The following MAGI1 variants were observed in gnomAD, a reference collection of about 807,000 sequenced individuals.
MAGI1 encodes the protein membrane-associated guanylate kinase, WW and PDZ domain-containing protein 1.
Under a neutral mutation model 139.9 loss-of-function variants are expected in MAGI1, and 58 were observed. The observed-to-expected ratio is 0.41, with a 90% CI of 0.34 to 0.52. The LOEUF (loss-of-function observed/expected upper bound fraction) is 0.52, where lower values mean the gene tolerates loss of function less well. Ranked by LOEUF, MAGI1 falls within the 20% of genes least tolerant of loss-of-function variation. MAGI1 has a pLI of 0.12. For synonymous variants in MAGI1, 812 were observed against 737.9 expected (o/e 1.10, Z -1.63); for missense variants, 1,874 against 1,901.6 (o/e 0.99, Z 0.27).
At chr3:65,427,815 A>G (rs1575707287) in intron 12 of MAGI1, among the ~76,000 whole-genome samples, 2 of 152,122 alleles carry the variant, frequency 1.3e-5, no homozygotes, top group South Asian at 4.1e-4. Context: ...TGATTCTTCT[A>G]TAAGTGCCAG....
At chr3:66,032,483 G>A (rs544204586) in intron 1 of MAGI1, among the ~76,000 whole-genome samples, 2 of 147,374 alleles carry the variant, frequency 1.4e-5, no homozygotes, top group South Asian at 2.3e-4. Context: ...GCCTCCCAAA[G>A]TGCTGGGATT....
Position 65,950,071 on chromosome 3 carries a change from AAAAAAAC to A in MAGI1, c.313+87918_313+87924del, listed in dbSNP as rs1560045589. Among the ~76,000 whole-genome samples the A allele has an allele frequency of 4.7e-4, 35 of 74,172 alleles. 2 individuals carry two copies. In the East Asian group the frequency reaches 6.1e-3, roughly 13 times the overall value. The allele number at this position is 74,172 out of a possible 152,430, so 48.7% of individuals were successfully genotyped here. ...AAAAAAAAAAAAACAAAAAAACAAA[AAAAAAAC>A]AAAAAAAAAAACAAACAAAAAAAAA... On this transcript the variant is annotated intron_variant, in intron 1 of 22. Transcript: ENST00000402939.
chr3:65,438,467 C>T (rs1213029150), intron 9 of MAGI1, among the ~76,000 whole-genome samples: 1 of 152,192 alleles, frequency 6.6e-6, no homozygotes, highest in Non-Finnish European at 1.5e-5. Flanking sequence ...CACACTTCAC[C>T]ACCACTTAAT....
At chr3:65,406,667 C>G (rs967539528) in intron 12 of MAGI1, among the ~76,000 whole-genome samples, 2 of 145,662 alleles carry the variant, frequency 1.4e-5, no homozygotes, top group African/African-American at 4.9e-5. Context: ...TACAGTTTCG[C>G]AAGGCAAATG....
chr3:65,573,192 C>T (rs1055039716), intron 2 of MAGI1, among the ~76,000 whole-genome samples: 4 of 152,054 alleles, frequency 2.6e-5, no homozygotes, highest in African/African-American at 9.6e-5. Flanking sequence ...ACAAACTGCA[C>T]ATATTATACA....
At chr3:65,395,239 T>A (rs1944286397) in intron 13 of MAGI1, among the ~76,000 whole-genome samples, 1 of 152,138 alleles carries the variant, frequency 6.6e-6, no homozygotes, top group Non-Finnish European at 1.5e-5. Context: ...AGTGTGTGTA[T>A]ACATAGTGTG....
intron 1 of MAGI1, among the ~76,000 whole-genome samples, chr3:65,724,681 G>C (rs1284070356): frequency 6.6e-6 from 1 of 152,158 alleles, no homozygotes; most frequent in Non-Finnish European, 1.5e-5. Context: ...AAAGGAAAGA[G>C]GTTTAATTGG....
intron 1 of MAGI1, chr3:65,874,794 A>T (rs946566250): frequency 1.3e-5 from 2 of 152,492 alleles, no homozygotes; most frequent in African/African-American, 4.8e-5. Context: ...TTCACACAAA[A>T]ACCTGTACAT....
chr3:65,850,639 T>G (rs2059169108), intron 1 of MAGI1, among the ~76,000 whole-genome samples: 1 of 152,184 alleles, frequency 6.6e-6, no homozygotes, highest in Admixed American at 6.5e-5. Context: ...CTTTTTGTCC[T>G]CTGTTTTTAC....
Position 65,695,946 on chromosome 3 carries a change from A to C in MAGI1, c.314-73858T>G, listed in dbSNP as rs539819981. ...ACTTTCCTTGTTGCTACCCTCCACA[A>C]GCAGCCAGAATGACCCTCCCAAAGG... On this transcript the variant is annotated intron_variant, in intron 1 of 22. Transcript: ENST00000402939. Among the ~76,000 whole-genome samples, 5 of 152,304 alleles carry C rather than the reference A, an allele frequency of 3.3e-5. No homozygotes were observed. In the South Asian group the frequency reaches 1.0e-3, roughly 32 times the overall value.
chr3:65,739,568 A>G (rs2035082977), intron 1 of MAGI1, among the ~76,000 whole-genome samples: 1 of 152,188 alleles, frequency 6.6e-6, no homozygotes, highest in Admixed American at 6.5e-5. Flanking sequence ...TTCCTCATTC[A>G]GCTTAATCAT....
At chr3:65,751,605 A>G (rs79881621) in intron 1 of MAGI1, among the ~76,000 whole-genome samples, 2,738 of 152,290 alleles carry the variant, frequency 0.018, 43 homozygotes, top group African/African-American at 0.04. Flanking sequence ...GCCTTAGGAA[A>G]GAGAGAGATG....
At chr3:65,536,632 C>T (rs1433961169) in intron 2 of MAGI1, among the ~76,000 whole-genome samples, 1 of 152,148 alleles carries the variant, frequency 6.6e-6, no homozygotes, top group Admixed American at 6.6e-5. Flanking sequence ...GCATGTGACC[C>T]TGAGCAAGCT....
chr3:65,482,429 T>C (rs1300014523), intron 3 of MAGI1, among the ~76,000 whole-genome samples: 1 of 152,202 alleles, frequency 6.6e-6, no homozygotes, highest in Non-Finnish European at 1.5e-5. Flanking sequence ...GTGCTGCACA[T>C]GGTAACTGAG....
intron 2 of MAGI1, among the ~76,000 whole-genome samples, chr3:65,501,910 A>G (rs538332760): frequency 6.6e-6 from 1 of 152,318 alleles, no homozygotes; most frequent in East Asian, 1.9e-4. Context: ...TCTCACATAC[A>G]TTATGCTCAG....
At chr3:65,419,845 A>G (rs1946513780) in intron 12 of MAGI1, among the ~76,000 whole-genome samples, 1 of 152,182 alleles carries the variant, frequency 6.6e-6, no homozygotes, top group Non-Finnish European at 1.5e-5. Context: ...CTACAAGGGC[A>G]GAGTAGAGTA....
intron 1 of MAGI1, among the ~76,000 whole-genome samples, chr3:65,795,214 A>T (rs985198334): frequency 6.6e-6 from 1 of 152,250 alleles, no homozygotes; most frequent in Non-Finnish European, 1.5e-5. Flanking sequence ...CACTATGAAC[A>T]TGTGCATATG....
At chr3:65,492,438 C>A (rs1384370271) in intron 3 of MAGI1, among the ~76,000 whole-genome samples, 1 of 152,114 alleles carries the variant, frequency 6.6e-6, no homozygotes, top group Non-Finnish European at 1.5e-5. Flanking sequence ...AATATTTGTT[C>A]AGAGGGAAGT....
At chr3:65,645,598 A>T (rs2085214446) in intron 1 of MAGI1, among the ~76,000 whole-genome samples, 2 of 152,190 alleles carry the variant, frequency 1.3e-5, no homozygotes, top group South Asian at 4.1e-4. Context: ...AAAAAGAGGG[A>T]AGAAAAACAA....
Sources: gnomAD v4.1 joint callset for allele counts (sites outside exome capture counted in the v4.1 genomes callset) on GRCh38, gnomAD v4.1.1 for gene constraint, MANE v1.5 for transcripts, NCBI Gene and HGNC (gene_info 2026-07-23, HGNC 2026-07-21) for gene names.